The following DOCK9 variants were observed in gnomAD, a reference collection of about 807,000 sequenced individuals.
DOCK9 encodes dedicator of cytokinesis protein 9.
DOCK9 carries 89 observed loss-of-function variants against 263.3 expected under a neutral mutation model. That is an observed-to-expected ratio of 0.34 (90% confidence interval 0.28 to 0.40). The LOEUF (loss-of-function observed/expected upper bound fraction) is 0.40. DOCK9 is among the 10% of genes least tolerant of loss of function. The probability of loss-of-function intolerance (pLI) is 1.00; values close to 1 mark genes in which losing one functional copy is unlikely to be tolerated. For synonymous variants in DOCK9, 976 were observed against 973.1 expected, an observed-to-expected ratio of 1.00 and a Z score of -0.06; for missense variants, 2,140 against 2,603.4, an observed-to-expected ratio of 0.82 and a Z score of 3.87.
chr13:98,987,863 T>A (rs540540631), intron 1 of DOCK9, among the ~76,000 whole-genome samples: 1 of 151,164 alleles, frequency 6.6e-6, no homozygotes, highest in African/African-American at 2.4e-5. Context: ...TTTTTGAGCA[T>A]ATATCTCCTT....
chr13:98,872,519 A>G (rs1408197577), intron 27 of DOCK9, among the ~76,000 whole-genome samples: 1 of 151,924 alleles, frequency 6.6e-6, no homozygotes, highest in African/African-American at 2.4e-5. Flanking sequence ...CAATCGTCTC[A>G]CCTCAGTCTC....
intron 2 of DOCK9, among the ~76,000 whole-genome samples, chr13:98,935,924 G>A (rs2054749183): frequency 6.6e-6 from 1 of 152,158 alleles, no homozygotes; most frequent in Non-Finnish European, 1.5e-5. Context: ...CTTGCTCTGA[G>A]TACAGCCTCA....
At chr13:98,863,665 G>C in intron 30 of DOCK9, 117 bp from the exon 31 acceptor site, 2 of 1,064,696 alleles carry the variant, frequency 1.9e-6, no homozygotes, top group Middle Eastern at 5.4e-4. Flanking sequence ...GCCCACCCTG[G>C]GTGTCAAGAG....
chr13:98,838,552 C>T (rs1282382670), intron 38 of DOCK9, among the ~76,000 whole-genome samples: 1 of 152,186 alleles, frequency 6.6e-6, no homozygotes, highest in African/African-American at 2.4e-5. Flanking sequence ...TTAAACTTAG[C>T]TTAGTCACAC....
intron 1 of DOCK9, among the ~76,000 whole-genome samples, chr13:99,081,179 C>T (rs575735470): frequency 6.6e-6 from 1 of 152,190 alleles, no homozygotes; most frequent in Non-Finnish European, 1.5e-5. Context: ...AGCTTACTGA[C>T]ATCTGATTTT....
At chr13:99,068,539 G>A (rs1295486543) in intron 1 of DOCK9, among the ~76,000 whole-genome samples, 2 of 152,068 alleles carry the variant, frequency 1.3e-5, no homozygotes, top group Non-Finnish European at 2.9e-5. Context: ...CCCAGATCGC[G>A]CCCTGCACTC....
intron 1 of DOCK9, among the ~76,000 whole-genome samples, chr13:98,963,620 C>T (rs1166089053): frequency 3.3e-5 from 5 of 152,222 alleles, no homozygotes; most frequent in Non-Finnish European, 7.3e-5. Flanking sequence ...TAAATGGCAA[C>T]TCTTGGAGCT....
Position 98,920,944 on chromosome 13 carries a change from T to G in DOCK9, c.717+10A>C, listed in dbSNP as rs1362400695. On this transcript the variant is annotated intron_variant, in intron 7 of 52. Transcript: ENST00000682017. ...AGAAAACATAATGGTAAAACTCTTT[T>G]CATATTTACCTGAACGACACCCATA... 1.9e-6 allele frequency: 3 copies of G among 1,587,438 alleles called. No homozygotes were observed. Among genetic ancestry groups the G allele is most frequent in the Admixed American group, 3.7e-5 (2 of 54,520 alleles).
intron 1 of DOCK9, among the ~76,000 whole-genome samples, chr13:98,986,243 T>C (rs979968529): frequency 6.6e-6 from 1 of 152,238 alleles, no homozygotes; most frequent in Non-Finnish European, 1.5e-5. Context: ...GTTCCTTCAG[T>C]GCTTACAAGG....
At chr13:98,889,842 G>A (rs949313274) in intron 15 of DOCK9, among the ~76,000 whole-genome samples, 1 of 152,010 alleles carries the variant, frequency 6.6e-6, no homozygotes, top group African/African-American at 2.4e-5. Context: ...GGCCAGTGTG[G>A]GTGCACAGCT....
At chr13:98,832,396 C>A (rs12584882) in intron 39 of DOCK9, among the ~76,000 whole-genome samples, 1 of 151,876 alleles carries the variant, frequency 6.6e-6, no homozygotes, top group Non-Finnish European at 1.5e-5. Context: ...CCTTGAACAG[C>A]GACTGTGAAG....
intron 27 of DOCK9, among the ~76,000 whole-genome samples, chr13:98,869,911 AG>A (rs2094143730): frequency 6.6e-6 from 1 of 152,216 alleles, no homozygotes. Context: ...CACGTGGATG[AG>A]GTGAACATCG....
intron 1 of DOCK9, among the ~76,000 whole-genome samples, chr13:99,035,548 T>A (rs1397317131): frequency 1.3e-5 from 2 of 152,080 alleles, no homozygotes; most frequent in Non-Finnish European, 2.9e-5. Context: ...TCCCATACCA[T>A]CTCCCTTTTC....
chr13:99,076,504 A>G (rs1256718373), intron 1 of DOCK9, among the ~76,000 whole-genome samples: 1 of 152,260 alleles, frequency 6.6e-6, no homozygotes, highest in Non-Finnish European at 1.5e-5. Context: ...AAACAAACAC[A>G]GAACCAGCCT....
At chr13:99,080,248 T>C (rs1010985060) in intron 1 of DOCK9, among the ~76,000 whole-genome samples, 5 of 144,718 alleles carry the variant, frequency 3.5e-5, no homozygotes, top group Admixed American at 2.7e-4. Context: ...GCTCTCATGA[T>C]ACCTAAGTGC....
At position 98,906,202 on chromosome 13, in the gene DOCK9, CTGGAGT is replaced by C. The variant is rs2049065689; in HGVS notation, c.961-1502_961-1497del. Among the ~76,000 whole-genome samples, 4 of 152,152 alleles carry C rather than the reference CTGGAGT, an allele frequency of 2.6e-5. No homozygotes were observed. The South Asian group carries it at 8.3e-4, about 32-fold the overall frequency. ...CTTAAGCGCAAGGCTGAGAGGAAGG[CTGGAGT>C]TCCAGCCTTGGGAGTGGATGAGATG... On this transcript the variant is annotated intron_variant, in intron 9 of 52. Coordinates refer to ENST00000682017, the MANE Select transcript of DOCK9 (RefSeq NM_001366683.2).
chr13:98,998,152 T>C (rs1444073847), intron 1 of DOCK9, among the ~76,000 whole-genome samples: 2 of 152,124 alleles, frequency 1.3e-5, no homozygotes, highest in Non-Finnish European at 2.9e-5. Context: ...GGGGCCGGGA[T>C]AGACAGTGGA....
intron 1 of DOCK9, among the ~76,000 whole-genome samples, chr13:98,958,804 C>T (rs944893249): frequency 2.0e-5 from 3 of 152,272 alleles, no homozygotes; most frequent in Middle Eastern, 3.4e-3. Flanking sequence ...GTTTACAACT[C>T]TTAACATATT....
chr13:98,896,122 T>C (rs2047388045), intron 15 of DOCK9, among the ~76,000 whole-genome samples: 1 of 152,234 alleles, frequency 6.6e-6, no homozygotes, highest in Non-Finnish European at 1.5e-5. Flanking sequence ...TAGCTGCATG[T>C]TAGCAAAACT....
Sources: allele counts gnomAD v4.1 joint callset (sites outside exome capture counted in the v4.1 genomes callset), GRCh38; gene constraint gnomAD v4.1.1; transcripts MANE v1.5; gene names NCBI Gene and HGNC (gene_info 2026-07-23, HGNC 2026-07-21).